Variants in COBLL1 observed in about 807,000 individuals in gnomAD.
COBLL1 encodes the protein cordon-bleu protein-like 1.
COBLL1 carries 50 observed loss-of-function variants against 94.8 expected under a neutral mutation model. The ratio of observed to expected loss-of-function variants is 0.53; its 90% CI spans 0.42 to 0.67. The LOEUF is 0.67. Among genes scored for constraint, COBLL1 ranks in the 30% least tolerant of loss-of-function variants. COBLL1 has a pLI of 0.00. For missense variants in COBLL1, 1,362 were observed against 1,348.7 expected (o/e 1.01, Z -0.15); for synonymous variants, 448 against 473.8 (o/e 0.95, Z 0.71).
intron 4 of COBLL1, among the ~76,000 whole-genome samples, chr2:164,729,205 A>G (rs1243406665): frequency 1.3e-5 from 2 of 151,750 alleles, no homozygotes; most frequent in Non-Finnish European, 2.9e-5. Flanking sequence ...TCATAACAAT[A>G]TGAAGAAAAT....
intron 2 of COBLL1, among the ~76,000 whole-genome samples, chr2:164,787,199 A>G (rs1455823664): frequency 6.6e-6 from 1 of 152,132 alleles, no homozygotes; most frequent in African/African-American, 2.4e-5. Flanking sequence ...ATATTGATAA[A>G]CCATTCAACA....
chr2:164,710,971 A>G (rs1292962310), intron 7 of COBLL1, among the ~76,000 whole-genome samples: 1 of 152,082 alleles, frequency 6.6e-6, no homozygotes, highest in Non-Finnish European at 1.5e-5. Context: ...ACTACCCACT[A>G]TTTCTGAATC....
intron 1 of COBLL1, among the ~76,000 whole-genome samples, chr2:164,670,555 C>T (rs1691227051): frequency 1.3e-5 from 2 of 152,212 alleles, no homozygotes; most frequent in South Asian, 2.1e-4. Flanking sequence ...TCTGTTATGG[C>T]TTTCTAAAAA....
chr2:164,764,456 G>A (rs1687839830), intron 2 of COBLL1, among the ~76,000 whole-genome samples: 2 of 152,080 alleles, frequency 1.3e-5, no homozygotes, highest in Admixed American at 1.3e-4. Flanking sequence ...GAATATATTA[G>A]TATGAACATG....
At chr2:164,769,834 G>A (rs1367339132) in intron 2 of COBLL1, among the ~76,000 whole-genome samples, 3 of 151,934 alleles carry the variant, frequency 2.0e-5, no homozygotes, top group Non-Finnish European at 2.9e-5. Flanking sequence ...GCTGGCTTTG[G>A]GTAAAGAAAT....
At position 164,710,573 on chromosome 2, in the gene COBLL1, T is replaced by C. The variant is rs865988283; in HGVS notation, c.997-5468A>G. Among the ~76,000 whole-genome samples the C allele has an allele frequency of 5.3e-3, 802 of 152,112 alleles. 3 individuals carry two copies. Among genetic ancestry groups the C allele is most frequent in the Non-Finnish European group, 8.7e-3 (588 of 67,956 alleles). On this transcript the variant is annotated intron_variant, in intron 7 of 13. Coordinates refer to ENST00000652658, the MANE Select transcript of COBLL1 (RefSeq NM_001365672.2). Reference sequence around the variant, plus strand: ...TCCCTAAGCAGCAGCATTCTTTTTTTTTTTTTTTGGAGACGGAGTTTCGCT... The same window carrying C: ...TCCCTAAGCAGCAGCATTCTTTTTTCTTTTTTTTGGAGACGGAGTTTCGCT...
chr2:164,727,917 A>G (rs1685793121), intron 5 of COBLL1, 52 bp downstream of exon 5: 9 of 1,248,216 alleles, frequency 7.2e-6, no homozygotes, highest in Non-Finnish European at 1.0e-5. Flanking sequence ...ATGCACAAAC[A>G]TATACAAATA....
intron 3 of COBLL1, among the ~76,000 whole-genome samples, chr2:164,740,121 G>T (rs1021367613): frequency 1.3e-5 from 2 of 152,068 alleles, no homozygotes; most frequent in Non-Finnish European, 2.9e-5. Context: ...AAACTACTGC[G>T]AACAAAGTCC....
chr2:164,700,396 T>TA (rs1684187014), intron 10 of COBLL1, 126 bp downstream of exon 10: 2 of 591,534 alleles, frequency 3.4e-6, no homozygotes, highest in African/African-American at 3.7e-5. Context: ...TATATAATGG[T>TA]AAAAAGGATA....
At chr2:164,708,197 C>G (rs578181822) in intron 7 of COBLL1, among the ~76,000 whole-genome samples, 1 of 152,228 alleles carries the variant, frequency 6.6e-6, no homozygotes, top group South Asian at 2.1e-4. Context: ...AGAGCTGCCT[C>G]CAACCCCATC....
intron 9 of COBLL1, among the ~76,000 whole-genome samples, chr2:164,701,809 T>A (rs1574434719): frequency 6.6e-6 from 1 of 151,526 alleles, no homozygotes; most frequent in Non-Finnish European, 1.5e-5. Flanking sequence ...GGTTCTGGAT[T>A]TTTGCTAAAT....
At position 164,841,244 on chromosome 2, in the gene COBLL1, C is replaced by T. The variant is rs1014503527; in HGVS notation, c.-48G>A. 241 of 1,227,264 alleles carry T rather than the reference C, an allele frequency of 2.0e-4. 1 individual carries two copies. The highest frequency in any genetic ancestry group is 2.4e-4 in the Non-Finnish European group (238 of 985,466). 76.0% of individuals were successfully genotyped at this position (1,227,264 alleles called of 1,614,324 possible). On this transcript the variant is annotated splice_region_variant and 5_prime_UTR_variant, in exon 2 of 14. In the 5' UTR this introduces an upstream ATG that the reference lacks. Transcript: ENST00000652658. The surrounding 1 kb of genome is among the most constrained non-coding windows in gnomAD (Gnocchi z 5.5). ...GCTCCAGCTCCCAGGCGGCGCGTCA[C>T]TGCTGGGGTGGGAGAGGCCGGCGGG...
intron 2 of COBLL1, among the ~76,000 whole-genome samples, chr2:164,755,818 A>G (rs1325376024): frequency 6.6e-6 from 1 of 152,204 alleles, no homozygotes; most frequent in Admixed American, 6.5e-5. Flanking sequence ...ACAAATGGAC[A>G]GTATTTATCA....
intron 7 of COBLL1, among the ~76,000 whole-genome samples, chr2:164,708,214 C>T (rs1327629871): frequency 6.6e-6 from 1 of 152,198 alleles, no homozygotes; most frequent in Non-Finnish European, 1.5e-5. Flanking sequence ...CATCCCATTA[C>T]TCTGATTCCT....
chr2:164,697,113 T>C (rs1683990854), intron 11 of COBLL1: 1 of 152,102 alleles, frequency 6.6e-6, no homozygotes, highest in Non-Finnish European at 1.5e-5. Context: ...TTAGGTAAAT[T>C]TGTATACAAT....
chr2:164,820,228 CT>C (rs1190483192), intron 2 of COBLL1, among the ~76,000 whole-genome samples: 1 of 149,620 alleles, frequency 6.7e-6, no homozygotes, highest in Non-Finnish European at 1.5e-5. Context: ...CTTACCCCCA[CT>C]TTTGTTTTGA....
chr2:164,727,200 C>G (rs1190995053), intron 5 of COBLL1: 1 of 1,011,844 alleles, frequency 9.9e-7, no homozygotes, highest in African/African-American at 1.6e-5. Flanking sequence ...GATGTTTGTT[C>G]AAGTATAAAA....
intron 3 of COBLL1, among the ~76,000 whole-genome samples, chr2:164,733,983 C>G (rs1415401021): frequency 3.3e-5 from 5 of 152,086 alleles, no homozygotes; most frequent in Non-Finnish European, 7.4e-5. Flanking sequence ...GATACATAGA[C>G]CAGCAGCATC....
rs931969351 is a variant in COBLL1 at position 164,686,009 on chromosome 2, T to C, written c.3324A>G (p.Ile1108Met). Residue 1108 changes from isoleucine to methionine, a missense_variant, in exon 14 of 14, where the codon ATA (isoleucine) becomes ATG (methionine). By Grantham distance (10) the Ile-to-Met change is conservative. Transcript: ENST00000652658. ...TGAGTCTTGACCTTCCATTCACAGATATTGTATTTGATGGAATGGTAACCT... is the reference window on the plus strand; with the variant it reads ...TGAGTCTTGACCTTCCATTCACAGACATTGTATTTGATGGAATGGTAACCT... Reference protein sequence around the residue: ...LKRVTIPSNTISVNGRSRLSH... With the variant: ...LKRVTIPSNTMSVNGRSRLSH... 6.2e-7 allele frequency: 1 copy of C among 1,602,676 alleles called. No homozygotes were observed. The highest frequency in any genetic ancestry group is 2.3e-5 in the East Asian group (1 of 44,196).
Sources: allele counts gnomAD v4.1 joint callset (sites outside exome capture counted in the v4.1 genomes callset), GRCh38; gene constraint gnomAD v4.1.1; non-coding constraint Gnocchi (gnomAD v3.1); transcripts MANE v1.5; gene names NCBI Gene and HGNC (gene_info 2026-07-23, HGNC 2026-07-21).